Variants in ABCC9 observed in about 807,000 individuals in gnomAD.
ABCC9 encodes the protein ATP binding cassette subfamily C member 9.
ABCC9 carries 95 observed loss-of-function variants against 188.3 expected under a neutral mutation model. The observed-to-expected ratio is 0.50, with a 90% confidence interval of 0.43 to 0.60. The LOEUF (loss-of-function observed/expected upper bound fraction) is 0.60. Among genes scored for constraint, ABCC9 ranks in the 20% least tolerant of loss-of-function variants. The pLI is 0.00. For synonymous variants in ABCC9, 659 were observed against 652.7 expected (o/e 1.01, Z -0.15); for missense variants, 1,102 against 1,876.3 (o/e 0.59, Z 7.62).
At chr12:21,822,790 CA>C (rs538002229) in intron 31 of ABCC9, among the ~76,000 whole-genome samples, 267 of 84,282 alleles carry the variant, frequency 3.2e-3, no homozygotes, top group Middle Eastern at 0.012. Flanking sequence ...GACTCCGTCT[CA>C]AAAAAAAAAA....
In ABCC9 at chr12:21,800,062, G is replaced by C. The variant is rs1344801893; in HGVS notation, c.*982C>G. On this transcript the variant is annotated 3_prime_UTR_variant, in exon 40 of 40. Transcript: ENST00000261200. ...AGGTAAACTCTTTCAGCTAGAAATA[G>C]ACACTTGTTTTATATATATATAACT... is the stretch of plus-strand genomic sequence containing the variant. The C allele has an allele frequency of 6.6e-6, 1 of 152,118 alleles. No individual in the cohort carries two copies. Among genetic ancestry groups the C allele is most frequent in the African/African-American group, 2.4e-5 (1 of 41,420 alleles). 9.4% of individuals were successfully genotyped at this position (152,118 alleles called of 1,614,324 possible). A position where few individuals can be genotyped will look rare whatever the true frequency, so the allele number is the denominator to read the frequency against.
intron 37 of ABCC9, among the ~76,000 whole-genome samples, chr12:21,808,379 TA>T (rs1397517081): frequency 6.6e-6 from 1 of 152,076 alleles, no homozygotes; most frequent in Non-Finnish European, 1.5e-5. Context: ...TTACATAATG[TA>T]AATACAATCC....
intron 16 of ABCC9, 114 bp downstream of exon 16, chr12:21,882,652 G>C: frequency 1.1e-6 from 1 of 925,408 alleles, no homozygotes; most frequent in Admixed American, 2.0e-5. Context: ...TAGGGTTAAT[G>C]ACAACTGTAA....
chr12:21,813,235 A>G (rs544176109), intron 35 of ABCC9, among the ~76,000 whole-genome samples: 9 of 152,302 alleles, frequency 5.9e-5, no homozygotes, highest in South Asian at 4.1e-4. Flanking sequence ...AAATTTCTCC[A>G]TACTGCATAT....
At chr12:21,805,348 A>C (rs1316771008) in intron 39 of ABCC9, 1 of 1,596,682 alleles carries the variant, frequency 6.3e-7, no homozygotes, top group Non-Finnish European at 8.6e-7. Context: ...AATCAGCAGA[A>C]GGAAAAATGT....
rs1941930083 is a variant in ABCC9 at position 21,807,404 on chromosome 12, A to C, written c.4391T>G (p.Val1464Gly). The C allele has an allele frequency of 3.1e-6, 5 of 1,613,900 alleles. No homozygotes were observed. The highest frequency in any genetic ancestry group is 1.7e-5 in the Admixed American group (1 of 59,984). ...RQLFCLARAF[V>G]RKSSILIMDE... is the part of the protein sequence containing the mutation. Reference sequence around the variant, plus strand: ...CATAATAAGAATGCTGCTTTTGCGGACAAAGGCCCTGGCAAGGCAAAATAG... The same window carrying C: ...CATAATAAGAATGCTGCTTTTGCGGCCAAAGGCCCTGGCAAGGCAAAATAG... Residue 1464 changes from valine (V) to glycine (G), a missense_variant, in exon 38 of 40, where the codon GTC becomes GGC. Coordinates refer to ENST00000261200, the MANE Select transcript of ABCC9 (RefSeq NM_020297.4).
chr12:21,930,262 G>T (rs1385215221), intron 4 of ABCC9, among the ~76,000 whole-genome samples: 1 of 151,910 alleles, frequency 6.6e-6, no homozygotes, highest in Non-Finnish European at 1.5e-5. Flanking sequence ...TATTCTACAG[G>T]TTATTGATGT....
intron 31 of ABCC9, among the ~76,000 whole-genome samples, chr12:21,821,145 T>C (rs1011487172): frequency 2.0e-5 from 3 of 152,180 alleles, no homozygotes; most frequent in African/African-American, 7.2e-5. Flanking sequence ...TCTTTTAGGA[T>C]TTGTATGAAT....
At chr12:21,848,014 A>T (rs1357434810) in intron 25 of ABCC9, 136 bp downstream of exon 25, 1 of 730,630 alleles carries the variant, frequency 1.4e-6, no homozygotes, top group East Asian at 2.8e-5. Flanking sequence ...TATTGTTTCC[A>T]TTTTCAGTAT....
chr12:21,923,927 A>G, intron 5 of ABCC9: 2 of 662,508 alleles, frequency 3.0e-6, no homozygotes, highest in South Asian at 3.4e-5. Context: ...ATGAAATGCA[A>G]CAATAAGAAA....
intron 3 of ABCC9, among the ~76,000 whole-genome samples, chr12:21,934,267 T>C (rs1949400146): frequency 6.6e-6 from 1 of 152,062 alleles, no homozygotes; most frequent in Non-Finnish European, 1.5e-5. Flanking sequence ...TAATAATACA[T>C]GAAATTTGGT....
intron 3 of ABCC9, 82 bp from the exon 4 acceptor site, chr12:21,934,005 G>T: frequency 6.7e-7 from 1 of 1,501,492 alleles, no homozygotes; most frequent in Non-Finnish European, 9.2e-7. Context: ...ATTATGATAA[G>T]CTTTAAGGCA....
At chr12:21,885,767 A>G (rs544865829) in intron 15 of ABCC9, among the ~76,000 whole-genome samples, 2 of 152,304 alleles carry the variant, frequency 1.3e-5, no homozygotes, top group Admixed American at 6.5e-5. Flanking sequence ...CAGTAAAACA[A>G]CTTAACAGAA....
At position 21,844,868 on chromosome 12, in the gene ABCC9, G is replaced by A; in HGVS notation, c.3144C>T (p.Phe1048=). 1 of 1,613,882 alleles carries A rather than the reference G, an allele frequency of 6.2e-7. No homozygotes were observed. The highest frequency in any genetic ancestry group is 8.5e-7 in the Non-Finnish European group (1 of 1,179,856). ...GFSILCGAGI[F]LCLVTSLTVE... is the part of the protein sequence containing the mutation. The stretch of plus-strand genomic sequence containing the variant: ...CAGTGAGGGATGTAACAAGGCAAAG[G>A]AAAATGCCTGCTCCACAGAGTATGC... The change falls in exon 27 of 40, where the codon TTC becomes TTT. Residue 1048 remains phenylalanine, a synonymous_variant. Transcript: ENST00000261200.
intron 31 of ABCC9, among the ~76,000 whole-genome samples, chr12:21,824,423 G>A (rs1408173684): frequency 2.0e-5 from 3 of 152,178 alleles, no homozygotes; most frequent in Admixed American, 2.0e-4. Flanking sequence ...TTGCAATGAT[G>A]TTCATCAGGG....
intron 30 of ABCC9, among the ~76,000 whole-genome samples, chr12:21,834,783 T>TTG (rs1943976914): frequency 4.6e-5 from 3 of 64,974 alleles, no homozygotes; most frequent in Non-Finnish European, 9.9e-5. Context: ...ATATATAACA[T>TTG]TATACACACA....
intron 14 of ABCC9, among the ~76,000 whole-genome samples, chr12:21,889,719 G>T (rs1179488729): frequency 6.6e-6 from 1 of 152,076 alleles, no homozygotes; most frequent in East Asian, 1.9e-4. Context: ...AAGCTTTTAT[G>T]GAATAAATGA....
intron 14 of ABCC9, 50 bp from the exon 15 acceptor site, chr12:21,887,984 C>A: frequency 7.5e-7 from 1 of 1,337,378 alleles, no homozygotes; most frequent in Non-Finnish European, 1.1e-6. Context: ...AAACCACCAC[C>A]AACAAAGTGC....
chr12:21,880,428 G>A (rs1335470580), intron 16 of ABCC9, among the ~76,000 whole-genome samples: 3 of 152,062 alleles, frequency 2.0e-5, no homozygotes, highest in African/African-American at 7.2e-5. Context: ...TCTGTTCAAT[G>A]AAAGATATCA....
Sources: allele counts gnomAD v4.1 joint callset (sites outside exome capture counted in the v4.1 genomes callset), GRCh38; gene constraint gnomAD v4.1.1; transcripts MANE v1.5; gene names NCBI Gene and HGNC (gene_info 2026-07-23, HGNC 2026-07-21).